Variants in CCDC22 observed in about 807,000 individuals in gnomAD.
CCDC22 encodes the protein CCC complex scaffolding subunit CCDC22.
Under a neutral mutation model 53.1 loss-of-function variants are expected in CCDC22, and 4 were observed. That is an observed-to-expected ratio of 0.08 (90% confidence interval 0.04 to 0.17). The LOEUF (loss-of-function observed/expected upper bound fraction) is 0.17. Ranked by LOEUF, CCDC22 falls within the 10% of genes least tolerant of loss-of-function variation. The probability of loss-of-function intolerance (pLI) is 1.00; values close to 1 mark genes in which losing one functional copy is unlikely to be tolerated. For synonymous variants in CCDC22, 222 were observed against 224.4 expected, an observed-to-expected ratio of 0.99 and a Z score of 0.10; for missense variants, 458 against 554.0, an observed-to-expected ratio of 0.83 and a Z score of 1.74.
At chrX:49,238,712 C>T (rs1291454032) in intron 2 of CCDC22, among the ~76,000 whole-genome samples, 1 of 111,841 alleles carries the variant, frequency 8.9e-6, no homozygotes, top group South Asian at 3.7e-4. Flanking sequence ...AGGCACATGC[C>T]ACCCTGCCCG....
chrX:49,245,974 TTTTTTTTTG>T (rs1217632518), intron 6 of CCDC22, among the ~76,000 whole-genome samples: 3 of 35,959 alleles, frequency 8.3e-5, no homozygotes, highest in Non-Finnish European at 4.5e-4. Context: ...TTTGTTTTGT[TTTTTTTTTG>T]TTTTTTTTTG....
In CCDC22 at chrX:49,248,596, C is replaced by G. The variant is rs371372983; in HGVS notation, c.1330-37C>G. The G allele has an allele frequency of 3.7e-5, 44 of 1,200,019 alleles. No homozygotes were observed. In the African/African-American group the frequency reaches 6.5e-4, roughly 18 times the overall value. On this transcript the variant is annotated intron_variant, in intron 11 of 16. Transcript: ENST00000376227. Reference sequence around the variant, plus strand: ...CCCTCTCTAGGGGGCCATCCCTATGCTCTGCTCACTGTCTTCTGCCTGTGG... The same window carrying G: ...CCCTCTCTAGGGGGCCATCCCTATGGTCTGCTCACTGTCTTCTGCCTGTGG...
chrX:49,250,037 G>A, intron 16 of CCDC22, 111 bp from the exon 17 acceptor site: 1 of 507,458 alleles, frequency 2.0e-6, no homozygotes, highest in Non-Finnish European at 3.5e-6. Context: ...GGACAGAGCA[G>A]GCTGTTGGAG....
chrX:49,244,769 G>T (rs1764218446), intron 6 of CCDC22, among the ~76,000 whole-genome samples: 1 of 111,358 alleles, frequency 9.0e-6, no homozygotes, highest in Non-Finnish European at 1.9e-5. Context: ...TGACCAGGCT[G>T]GTCTCGAACT....
chrX:49,239,240 A>C (rs976673896), intron 2 of CCDC22, among the ~76,000 whole-genome samples: 2 of 111,379 alleles, frequency 1.8e-5, no homozygotes, highest in Non-Finnish European at 3.8e-5. Flanking sequence ...CAGCCTCCCA[A>C]AGTGTTGGGA....
rs1189111012 is a variant in CCDC22 at position 49,250,204 on chromosome X, C to T, written c.1827C>T (p.Asp609=). 1.0e-5 allele frequency: 12 copies of T among 1,166,781 alleles called. No homozygotes were observed. The highest frequency in any genetic ancestry group is 5.1e-5 in the Admixed American group (2 of 39,093). The change falls in exon 17 of 17, where the codon GAC becomes GAT. Residue 609 remains aspartate, a synonymous_variant. Transcript: ENST00000376227. ...TLSNLEKIRE[D]YRALRQENAG... ...GCAACCTGGAGAAGATCCGGGAGGA[C>T]TACCGAGCCCTCCGCCAGGAGAACG...
intron 9 of CCDC22, 129 bp downstream of exon 9, chrX:49,247,897 T>G: frequency 1.1e-6 from 1 of 900,612 alleles, no homozygotes; most frequent in Non-Finnish European, 1.5e-6. Flanking sequence ...TGGGAGCCAT[T>G]AGGGATCTGT....
At position 49,248,470 on chromosome X, in the gene CCDC22, G is replaced by A. The variant is rs1217250024; in HGVS notation, c.1276G>A (p.Val426Ile). The change falls in exon 11 of 17, where the codon GTC (valine) becomes ATC (isoleucine). Residue 426 changes from valine to isoleucine, a missense_variant. Val to Ile is a conservative substitution (Grantham distance 29, BLOSUM62 3). Around this residue, in one of 4 missense-constraint regions of CCDC22, gnomAD observed 309 missense variants for 312.3 expected, o/e 0.99. Coordinates refer to ENST00000376227, the MANE Select transcript of CCDC22 (RefSeq NM_014008.5). ...GGCGGGTCAGTGGGAGAAGCACCGG[G>A]TCCCACTCCTCGCTGAGTACCGCCA... The part of the protein sequence containing the change: ...HLAGQWEKHR[V>I]PLLAEYRHLR... 1.7e-6 allele frequency: 2 copies of A among 1,210,507 alleles called. No homozygotes were observed. The highest frequency in any genetic ancestry group is 3.5e-5 in the African/African-American group (2 of 57,721).
rs782164861 is a variant in CCDC22, at chrX:49,239,022, C to T, written c.228+1759C>T. Among the ~76,000 whole-genome samples, 3 of 111,145 alleles carry T rather than the reference C, an allele frequency of 2.7e-5. No individual in the cohort carries two copies. In the East Asian group the frequency reaches 8.5e-4, roughly 31 times the overall value. ...GTCTTTTTTTTTTTTGAAGCCCAGGCTGGAGTGCAGTGGCACAATCTCGGC... is the reference window on the plus strand; with the variant it reads ...GTCTTTTTTTTTTTTGAAGCCCAGGTTGGAGTGCAGTGGCACAATCTCGGC... On this transcript the variant is annotated intron_variant, in intron 2 of 16. Coordinates refer to ENST00000376227, the MANE Select transcript of CCDC22 (RefSeq NM_014008.5).
At position 49,243,289 on chromosome X, in the gene CCDC22, C is replaced by T. The variant is rs141259252; in HGVS notation, c.541C>T (p.Arg181Trp). The T allele has an allele frequency of 1.2e-5, 14 of 1,199,305 alleles. No homozygotes were observed. The highest frequency in any genetic ancestry group is 1.6e-5 in the Non-Finnish European group (14 of 888,923). Residue 181 changes from arginine (R) to tryptophan (W), a missense_variant, in exon 6 of 17, where the codon CGG becomes TGG. Arg to Trp is a moderately radical substitution (Grantham distance 101). Coordinates refer to ENST00000376227, the MANE Select transcript of CCDC22 (RefSeq NM_014008.5). Reference protein sequence around the residue: ...VPELSSRGEPREFQASPLLLP... With the variant: ...VPELSSRGEPWEFQASPLLLP... ...GACTCTGTTCCTGCCTCCAGAGCCA[C>T]GGGAGTTCCAGGCGAGTCCCCTGCT...
Position 49,249,557 on chromosome X carries a change from G to A in CCDC22, c.1684G>A (p.Ala562Thr). 2.5e-6 allele frequency: 3 copies of A among 1,184,281 alleles called. No individual in the cohort carries two copies. The highest frequency in any genetic ancestry group is 3.4e-6 in the Non-Finnish European group (3 of 882,017). ...TCGGAAGGCCTATAAGTATCTAGCT[G>A]CTCTGCACGAGGTGAGGGGAGACAT... ...AVRKAYKYLA[A>T]LHENCSQLIQ... Residue 562 changes from alanine to threonine, a missense_variant, in exon 15 of 17, where the codon GCT (alanine) becomes ACT (threonine). Coordinates refer to ENST00000376227, the MANE Select transcript of CCDC22 (RefSeq NM_014008.5).
chrX:49,244,254 GTCTA>G (rs782273694), intron 6 of CCDC22, among the ~76,000 whole-genome samples: 15 of 107,410 alleles, frequency 1.4e-4, no homozygotes, highest in Middle Eastern at 4.7e-3. Context: ...CTCTTGCTCT[GTCTA>G]TCTATCTGTT....
In CCDC22 at chrX:49,248,866, C is replaced by T. The variant is rs782750473; in HGVS notation, c.1481C>T (p.Thr494Ile). ...AGAGATGTGTCCCGGCTGGCCTACA[C>T]CCAGCGCATCCTGGAGATCGTGGGC... is the stretch of plus-strand genomic sequence containing the variant. Reference protein sequence around the residue: ...LPRDVSRLAYTQRILEIVGNI... With the variant: ...LPRDVSRLAYIQRILEIVGNI... The change falls in exon 13 of 17, where the codon ACC becomes ATC. Residue 494 changes from threonine (T) to isoleucine (I), a missense_variant. This residue lies in a region of CCDC22 where 48 missense variants were observed against 83.4 expected (regional missense o/e 0.58). Coordinates refer to ENST00000376227, the MANE Select transcript of CCDC22 (RefSeq NM_014008.5). The T allele has an allele frequency of 8.3e-7, 1 of 1,210,810 alleles. No homozygotes were observed. Among genetic ancestry groups the T allele is most frequent in the Non-Finnish European group, 1.1e-6 (1 of 895,260 alleles).
rs782558224 is a variant in CCDC22 at position 49,244,279 on chromosome X, CTCTG to C, written c.714+821_714+824del. ...GTCTATCTATCTGTTCCCCCTTCTC[CTCTG>C]TCTACTTCTTTATCTGTCCCCTCTT... On this transcript the variant is annotated intron_variant, in intron 6 of 16. Transcript: ENST00000376227. Among the ~76,000 whole-genome samples, 7 of 111,063 alleles carry C rather than the reference CTCTG, an allele frequency of 6.3e-5. No individual in the cohort carries two copies. The South Asian group carries it at 1.5e-3, about 24-fold the overall frequency.
chrX:49,239,637 T>A (rs1557113161), intron 2 of CCDC22, among the ~76,000 whole-genome samples: 1 of 110,471 alleles, frequency 9.1e-6, no homozygotes. Flanking sequence ...GCTCCATCCA[T>A]CCCTTCGCTC....
intron 1 of CCDC22, among the ~76,000 whole-genome samples, chrX:49,236,445 T>G (rs1488040439): frequency 9.1e-6 from 1 of 110,259 alleles, no homozygotes; most frequent in African/African-American, 3.3e-5. Context: ...TGACCTCAAG[T>G]GATCTGCCCG....
At chrX:49,240,928 G>T (rs1437825814) in intron 2 of CCDC22, among the ~76,000 whole-genome samples, 2 of 112,498 alleles carry the variant, frequency 1.8e-5, no homozygotes, top group Non-Finnish European at 3.7e-5. Context: ...ATACTCCTAA[G>T]TATAGAATAA....
rs1400830881 is a variant in CCDC22 at position 49,250,485 on chromosome X, G to A, written c.*224G>A. On this transcript the variant is annotated 3_prime_UTR_variant, in exon 17 of 17. Transcript: ENST00000376227. ...TTGGGGACGGTACTGTGGGTTGGGG[G>A]CCTTGGATCCCAAATAAATGAGTAG... 1 of 490,802 alleles carries A rather than the reference G, an allele frequency of 2.0e-6. No individual in the cohort carries two copies. The highest frequency in any genetic ancestry group is 3.7e-6 in the Non-Finnish European group (1 of 271,702). The allele number at this position is 490,802 out of a possible 1,213,427, so 40.4% of individuals were successfully genotyped here.
intron 6 of CCDC22, among the ~76,000 whole-genome samples, chrX:49,245,672 T>G (rs1444417734): frequency 1.8e-5 from 2 of 112,542 alleles, no homozygotes; most frequent in Non-Finnish European, 3.8e-5. Context: ...CGCCTGGCTG[T>G]CTGTCTTTGT....
Sources: gnomAD v4.1 joint callset for allele counts (sites outside exome capture counted in the v4.1 genomes callset) on GRCh38, gnomAD v4.1.1 for gene constraint, gnomAD v4.1.1 regional missense constraint, MANE v1.5 for transcripts, NCBI Gene and HGNC (gene_info 2026-07-23, HGNC 2026-07-21) for gene names.